Variants in BCKDHA observed in about 807,000 individuals in gnomAD.
BCKDHA encodes the protein branched chain keto acid dehydrogenase E1 subunit alpha.
BCKDHA carries 43 observed loss-of-function variants against 52.2 expected under a neutral mutation model. The ratio of observed to expected loss-of-function variants is 0.82; its 90% CI spans 0.64 to 1.06. BCKDHA has a LOEUF of 1.06. Among genes scored for constraint, BCKDHA ranks in the 50% least tolerant of loss-of-function variants. BCKDHA has a pLI of 0.00. For missense variants in BCKDHA, 527 were observed against 621.3 expected (o/e 0.85, Z 1.61); for synonymous variants, 234 against 247.9 (o/e 0.94, Z 0.53).
chr19:41,422,202 A>G lies in BCKDHA; in HGVS notation c.685A>G (p.Asn229Asp). 6.2e-7 allele frequency: 1 copy of G among 1,614,096 alleles called. No homozygotes were observed. Among genetic ancestry groups the G allele is most frequent in the Non-Finnish European group, 8.5e-7 (1 of 1,179,996 alleles). Residue 229 changes from asparagine (N) to aspartate (D), a missense_variant, in exon 6 of 9, where the codon AAC becomes GAC. Coordinates refer to ENST00000269980, the MANE Select transcript of BCKDHA (RefSeq NM_000709.4). ...AAYAAKRANA[N>D]RVVICYFGEG... Reference sequence around the variant, plus strand: ...GTACGCAGCCAAGCGGGCCAATGCCAACAGGGTCGTCATCTGTTACTTCGG... The same window carrying G: ...GTACGCAGCCAAGCGGGCCAATGCCGACAGGGTCGTCATCTGTTACTTCGG...
At chr19:41,414,929 C>T (rs368706571) in intron 4 of BCKDHA, among the ~76,000 whole-genome samples, 16 of 152,230 alleles carry the variant, frequency 1.1e-4, no homozygotes, top group South Asian at 8.3e-4. Flanking sequence ...TTTCCTCATT[C>T]GTAAGGGGGA....
intron 3 of BCKDHA, among the ~76,000 whole-genome samples, chr19:41,411,811 G>T (rs2039257001): frequency 6.6e-6 from 1 of 152,180 alleles, no homozygotes; most frequent in African/African-American, 2.4e-5. Flanking sequence ...CAGGGGGCTG[G>T]TTGCAGGCTC....
chr19:41,423,074 G>A lies in BCKDHA; in HGVS notation c.1072G>A (p.Asp358Asn). 6.3e-7 allele frequency: 1 copy of A among 1,590,496 alleles called. No homozygotes were observed. Among genetic ancestry groups the A allele is most frequent in the Non-Finnish European group, 8.6e-7 (1 of 1,168,388 alleles). Residue 358 changes from aspartate to asparagine, a missense_variant, in exon 8 of 9, where the codon GAC becomes AAC. By Grantham distance (23) the Asp-to-Asn change is conservative (BLOSUM62 1). Transcript: ENST00000269980. ...VDEVNYWDKQ[D>N]HPISRLRHYL... ...TGAGGTCAATTACTGGGATAAACAG[G>A]ACCACCCCATCTCCCGGCTGCGGCA...
At chr19:41,420,432 C>T (rs973888407) in intron 5 of BCKDHA, among the ~76,000 whole-genome samples, 3 of 152,162 alleles carry the variant, frequency 2.0e-5, no homozygotes, top group African/African-American at 7.2e-5. Flanking sequence ...AGCCCTGTCC[C>T]TACTAAACAT....
In BCKDHA at chr19:41,422,962, G is replaced by GC. The variant is rs3217385; in HGVS notation, c.996-33dup. On this transcript the variant is annotated intron_variant, in intron 7 of 8. Coordinates refer to ENST00000269980, the MANE Select transcript of BCKDHA (RefSeq NM_000709.4). Reference sequence around the variant, plus strand: ...TCCCTCCTGACCCCCACTCCAGGGAGCCCACACTGACCTGGGGCCCCTTGC... The same window carrying GC: ...TCCCTCCTGACCCCCACTCCAGGGAGCCCCACACTGACCTGGGGCCCCTTGC... The GC allele has an allele frequency of 0.61, 974,399 of 1,596,250 alleles. 301,111 individuals carry two copies. The highest frequency in any genetic ancestry group is 0.83 in the African/African-American group (61,545 of 74,562).
At chr19:41,405,111 A>G (rs959017519) in intron 1 of BCKDHA, among the ~76,000 whole-genome samples, 4 of 152,274 alleles carry the variant, frequency 2.6e-5, no homozygotes, top group African/African-American at 9.6e-5. Context: ...AACAAGAACA[A>G]TCATGAGAAA....
Position 41,418,609 on chromosome 19 carries a change from G to A in BCKDHA, c.485-526G>A, listed in dbSNP as rs117817570. On this transcript the variant is annotated intron_variant, in intron 4 of 8. Transcript: ENST00000269980. ...TGCAGTGGCACGATCTCAGCTGCCT[G>A]CAGCCTTGAACTTCTGGGCTGAAGC... 3,341 of 366,910 alleles carry A rather than the reference G, an allele frequency of 9.1e-3. 32 individuals carry two copies. The highest frequency in any genetic ancestry group is 0.013 in the Middle Eastern group (13 of 1,012). The allele number at this position is 366,910 out of a possible 1,614,324, so 22.7% of individuals were successfully genotyped here.
chr19:41,417,503 G>A (rs1160722223), intron 4 of BCKDHA, among the ~76,000 whole-genome samples: 2 of 152,108 alleles, frequency 1.3e-5, no homozygotes, highest in Non-Finnish European at 2.9e-5. Context: ...TGTTACATAT[G>A]CAGCACAGCC....
At position 41,424,725 on chromosome 19, in the gene BCKDHA, A is replaced by C; in HGVS notation, c.*117A>C. 2 of 1,225,346 alleles carry C rather than the reference A, an allele frequency of 1.6e-6. No homozygotes were observed. The highest frequency in any genetic ancestry group is 2.2e-6 in the Non-Finnish European group (2 of 896,068). 75.9% of individuals were successfully genotyped at this position (1,225,346 alleles called of 1,614,324 possible). ...TCTTCCCCAGTCAGCTCCCTCTAAA[A>C]TACTCAGCGGCCAGGGCGGCTGCCA... On this transcript the variant is annotated 3_prime_UTR_variant, in exon 9 of 9. Coordinates refer to ENST00000269980, the MANE Select transcript of BCKDHA (RefSeq NM_000709.4).
rs1338582393 is a variant in BCKDHA at position 41,424,786 on chromosome 19, C to G, written c.*178C>G. Reference sequence around the variant, plus strand: ...CTGCTCCTCCCGGCTGTTACATTGTCAGGGGACAGCATCTGCAGCAGTTGC... The same window carrying G: ...CTGCTCCTCCCGGCTGTTACATTGTGAGGGGACAGCATCTGCAGCAGTTGC... On this transcript the variant is annotated 3_prime_UTR_variant, in exon 9 of 9. Transcript: ENST00000269980. 4.6e-6 allele frequency: 3 copies of G among 655,812 alleles called. No homozygotes were observed. The highest frequency in any genetic ancestry group is 3.2e-5 in the Admixed American group (1 of 31,584). 40.6% of individuals were successfully genotyped at this position (655,812 alleles called of 1,614,324 possible). A position where few individuals can be genotyped will look rare whatever the true frequency, so the allele number is the denominator to read the frequency against.
chr19:41,403,672 G>A (rs1479479807), intron 1 of BCKDHA, among the ~76,000 whole-genome samples: 1 of 152,132 alleles, frequency 6.6e-6, no homozygotes, highest in Non-Finnish European at 1.5e-5. Flanking sequence ...TCCTGGAGGG[G>A]TACTATCTGA....
rs1707902979 is a variant in BCKDHA at position 41,397,967 on chromosome 19, A to G, written c.108+32A>G. 8 of 1,583,248 alleles carry G rather than the reference A, an allele frequency of 5.1e-6. No homozygotes were observed. The South Asian group carries it at 5.5e-5, about 11-fold the overall frequency. On this transcript the variant is annotated intron_variant, in intron 1 of 8. Coordinates refer to ENST00000269980, the MANE Select transcript of BCKDHA (RefSeq NM_000709.4). ...ACCTGGGCCCCAGGCGGTTTTCCCA[A>G]AGGGGATTAGGGATGTAAAGGCTAT...
intron 1 of BCKDHA, among the ~76,000 whole-genome samples, chr19:41,398,555 A>C (rs2039102524): frequency 6.6e-6 from 1 of 152,144 alleles, no homozygotes; most frequent in Non-Finnish European, 1.5e-5. Context: ...TAATGAGGGG[A>C]AAAAAGGAGG....
chr19:41,424,332 A>G, intron 8 of BCKDHA, 106 bp from the exon 9 acceptor site: 1 of 1,251,416 alleles, frequency 8.0e-7, no homozygotes, highest in Non-Finnish European at 1.2e-6. Context: ...TCGAGGTGGG[A>G]ACACAAAGGC....
At chr19:41,418,234 G>A (rs2039327131) in intron 4 of BCKDHA, among the ~76,000 whole-genome samples, 2 of 152,060 alleles carry the variant, frequency 1.3e-5, no homozygotes, top group African/African-American at 4.8e-5. Context: ...TAATGTTCCC[G>A]GTCTGAGTGC....
rs745333513 is a variant in BCKDHA, at chr19:41,422,783, C to T, written c.995+13C>T. ...CCATGACCTACAGGTGCCTGCCGCT[C>T]CCCCCGTCAGCACCCCCACAGCACT... On this transcript the variant is annotated intron_variant, in intron 7 of 8. Transcript: ENST00000269980. 55 of 1,608,884 alleles carry T rather than the reference C, an allele frequency of 3.4e-5. No individual in the cohort carries two copies. Among genetic ancestry groups the T allele is most frequent in the Non-Finnish European group, 4.1e-5 (48 of 1,177,002 alleles).
At chr19:41,418,597 TC>T in intron 4 of BCKDHA, 1 of 357,132 alleles carries the variant, frequency 2.8e-6, no homozygotes, top group Non-Finnish European at 5.5e-6. Context: ...AGTGGCACGA[TC>T]TCAGCTGCCT....
At chr19:41,414,268 A>G (rs2039286613) in intron 4 of BCKDHA, 111 bp downstream of exon 4, 2 of 1,087,418 alleles carry the variant, frequency 1.8e-6, no homozygotes, top group Admixed American at 2.0e-5. Flanking sequence ...AGGAGCTGGA[A>G]GAAGAGCTTT....
At chr19:41,423,247 G>A (rs1158876967) in intron 8 of BCKDHA, 78 bp downstream of exon 8, 3 of 1,538,450 alleles carry the variant, frequency 2.0e-6, no homozygotes, top group African/African-American at 1.4e-5. Flanking sequence ...GTGGAACACC[G>A]AACTGGGAGG....
Sources: allele counts gnomAD v4.1 joint callset (sites outside exome capture counted in the v4.1 genomes callset), GRCh38; gene constraint gnomAD v4.1.1; transcripts MANE v1.5; gene names NCBI Gene and HGNC (gene_info 2026-07-23, HGNC 2026-07-21).